DLGAP1: variants seen among roughly 807,000 people sequenced by gnomAD.
DLGAP1 encodes DLG associated protein 1.
A neutral mutation model predicts 90.8 loss-of-function variants in DLGAP1; 11 were observed. The observed-to-expected ratio is 0.12, with a 90% CI of 0.08 to 0.20. The LOEUF (loss-of-function observed/expected upper bound fraction) is 0.20, where lower values mean the gene tolerates loss of function less well. Ranked by LOEUF, DLGAP1 falls within the 10% of genes least tolerant of loss-of-function variation. The probability of loss-of-function intolerance (pLI) is 1.00; values close to 1 mark genes in which losing one functional copy is unlikely to be tolerated. For missense variants in DLGAP1, 1,050 were observed against 1,333.8 expected, an observed-to-expected ratio of 0.79 and a Z score of 3.31; for synonymous variants, 558 against 540.7, an observed-to-expected ratio of 1.03 and a Z score of -0.44.
rs140237812 is a variant in DLGAP1 at position 3,871,172 on chromosome 18, A to G, written c.957+7940T>C. ...GCGAGTGCCAGGTTCCACTGGCAAG[A>G]TGACTGATTTCATCGAGGTATTTCC... is the stretch of plus-strand genomic sequence containing the variant. On this transcript the variant is annotated intron_variant, in intron 4 of 12. Transcript: ENST00000315677. Among the ~76,000 whole-genome samples, 512 of 152,358 alleles carry G rather than the reference A, an allele frequency of 3.4e-3. 4 individuals are homozygous for G. Among genetic ancestry groups the G allele is most frequent in the African/African-American group, 0.011 (477 of 41,580 alleles).
At chr18:3,747,756 A>G (rs1422679243) in intron 5 of DLGAP1, among the ~76,000 whole-genome samples, 2 of 152,220 alleles carry the variant, frequency 1.3e-5, no homozygotes, top group East Asian at 1.9e-4. Context: ...GTGAAACATC[A>G]TTCAGAAGGA....
At position 3,498,930 on chromosome 18, in the gene DLGAP1, A is replaced by C. The variant is rs1001958749; in HGVS notation, c.*255T>G. ...CCCAGAAAATAAAGGGTTGGATCTC[A>C]GTATGAGGCAGGGCGACGGCATCAG... On this transcript the variant is annotated 3_prime_UTR_variant, in exon 13 of 13. Transcript: ENST00000315677. 3.9e-6 allele frequency: 2 copies of C among 514,036 alleles called. No homozygotes were observed. Among genetic ancestry groups the C allele is most frequent in the Middle Eastern group, 5.0e-4 (1 of 1,984 alleles). 31.8% of individuals were successfully genotyped at this position (514,036 alleles called of 1,614,324 possible).
intron 4 of DLGAP1, among the ~76,000 whole-genome samples, chr18:3,821,471 C>T (rs1413113573): frequency 1.3e-5 from 2 of 152,006 alleles, no homozygotes; most frequent in African/African-American, 2.4e-5. Flanking sequence ...GGGGTGCACG[C>T]TCCCACTCAA....
chr18:4,237,604 T>G (rs2078446115), intron 1 of DLGAP1, among the ~76,000 whole-genome samples: 1 of 152,038 alleles, frequency 6.6e-6, no homozygotes, highest in African/African-American at 2.4e-5. Context: ...TTCCTCAAGA[T>G]CCTTCTAATA....
intron 2 of DLGAP1, among the ~76,000 whole-genome samples, chr18:4,007,741 G>A (rs947296141): frequency 6.6e-6 from 1 of 152,058 alleles, no homozygotes; most frequent in African/African-American, 2.4e-5. Context: ...AAGGGAAAAT[G>A]TGTGTGTGTG....
intron 1 of DLGAP1, among the ~76,000 whole-genome samples, chr18:4,203,678 C>T (rs1171369802): frequency 1.3e-5 from 2 of 152,136 alleles, no homozygotes; most frequent in Admixed American, 6.5e-5. Context: ...GAAACATTTC[C>T]TGAGGGCCTC....
intron 7 of DLGAP1, among the ~76,000 whole-genome samples, chr18:3,673,695 C>T (rs962447028): frequency 6.6e-6 from 1 of 151,552 alleles, no homozygotes; most frequent in Non-Finnish European, 1.5e-5. Context: ...TACAGGCATG[C>T]GCCACCATGC....
intron 3 of DLGAP1, among the ~76,000 whole-genome samples, chr18:3,905,511 G>A (rs1599141434): frequency 6.6e-6 from 1 of 151,906 alleles, no homozygotes; most frequent in Non-Finnish European, 1.5e-5. Context: ...AACTTGAGGG[G>A]TATTCATTAC....
intron 5 of DLGAP1, among the ~76,000 whole-genome samples, chr18:3,744,335 G>GA (rs1441011914): frequency 1.3e-5 from 2 of 151,746 alleles, no homozygotes; most frequent in East Asian, 3.9e-4. Flanking sequence ...AAATTTTAAT[G>GA]AAAAAAATTC....
Position 3,941,342 on chromosome 18 carries a change from G to A in DLGAP1, c.-72-61202C>T, listed in dbSNP as rs367933834. On this transcript the variant is annotated intron_variant, in intron 3 of 12. Coordinates refer to ENST00000315677, the MANE Select transcript of DLGAP1 (RefSeq NM_004746.4). ...AACAGAACCCACTGAGACAAGGAGG[G>A]GCCTGGCTGCAGTTCAGGCTGCAGG... 7.2e-4 allele frequency among the ~76,000 whole-genome samples: 110 copies of A among 152,290 alleles called. 2 individuals are homozygous for A. The South Asian group carries it at 0.018, about 25-fold the overall frequency.
At chr18:4,042,609 G>A (rs558103369) in intron 2 of DLGAP1, among the ~76,000 whole-genome samples, 124 of 152,264 alleles carry the variant, frequency 8.1e-4, no homozygotes, top group Non-Finnish European at 1.4e-3. Flanking sequence ...CAGGGGTGGC[G>A]TGCGCCTGTA....
chr18:3,955,982 T>C (rs1008953024), intron 3 of DLGAP1, among the ~76,000 whole-genome samples: 6 of 152,162 alleles, frequency 3.9e-5, no homozygotes, highest in Admixed American at 3.9e-4. Flanking sequence ...GACTAATATA[T>C]GTATACAACT....
intron 5 of DLGAP1, among the ~76,000 whole-genome samples, chr18:3,758,329 G>A (rs2063804795): frequency 6.6e-6 from 1 of 152,154 alleles, no homozygotes; most frequent in Non-Finnish European, 1.5e-5. Flanking sequence ...TGAAAAAAGT[G>A]ACTTTAAACT....
rs764287181 is a variant in DLGAP1, at chr18:3,581,918, T to C, written c.1922A>G (p.Lys641Arg). 75 of 1,614,104 alleles carry C rather than the reference T, an allele frequency of 4.6e-5. No homozygotes were observed. In the East Asian group the frequency reaches 1.6e-3, roughly 35 times the overall value. The part of the protein sequence containing the change: ...IATVTTEDRK[K>R]DHFKKNRCLS... ...GCATCGATTTTTCTTAAAGTGGTCC[T>C]TCTTCCTGTCCTCCGTGGTGACGGT... Residue 641 changes from lysine to arginine, a missense_variant, in exon 8 of 13, where the codon AAG (lysine) becomes AGG (arginine). By Grantham distance (26) the Lys-to-Arg change is conservative (BLOSUM62 2). Coordinates refer to ENST00000315677, the MANE Select transcript of DLGAP1 (RefSeq NM_004746.4).
chr18:4,231,140 T>C (rs1203996055), intron 1 of DLGAP1, among the ~76,000 whole-genome samples: 1 of 152,114 alleles, frequency 6.6e-6, no homozygotes, highest in African/African-American at 2.4e-5. Context: ...GAAATAAATG[T>C]CATATTCAGG....
At chr18:4,324,332 T>C (rs1373339039) in intron 1 of DLGAP1, among the ~76,000 whole-genome samples, 2 of 150,342 alleles carry the variant, frequency 1.3e-5, no homozygotes, top group East Asian at 1.9e-4. Flanking sequence ...ATTGAATCCT[T>C]GAATAGACCA....
At chr18:3,627,239 C>G (rs903045237) in intron 7 of DLGAP1, among the ~76,000 whole-genome samples, 6 of 152,068 alleles carry the variant, frequency 3.9e-5, no homozygotes, top group African/African-American at 1.4e-4. Context: ...CACACCTGGC[C>G]TAGTGCTAGT....
chr18:3,835,589 C>T (rs923307606), intron 4 of DLGAP1, among the ~76,000 whole-genome samples: 3 of 146,116 alleles, frequency 2.1e-5, no homozygotes, highest in South Asian at 4.3e-4. Flanking sequence ...GTGGAAGTTG[C>T]GGTGAGCCAA....
intron 1 of DLGAP1, among the ~76,000 whole-genome samples, chr18:4,344,693 T>C (rs1568526994): frequency 6.6e-6 from 1 of 152,172 alleles, no homozygotes; most frequent in East Asian, 1.9e-4. Flanking sequence ...ACTTCTAATT[T>C]TCCCAACTAC....
Sources: allele counts gnomAD v4.1 joint callset (sites outside exome capture counted in the v4.1 genomes callset), GRCh38; gene constraint gnomAD v4.1.1; transcripts MANE v1.5; gene names NCBI Gene and HGNC (gene_info 2026-07-23, HGNC 2026-07-21).